GABRG1: variants seen among roughly 807,000 people sequenced by gnomAD.
GABRG1 encodes the protein gamma-aminobutyric acid type A receptor subunit gamma1.
In GABRG1, 49 loss-of-function variants were observed where a neutral mutation model predicts 49.8. The ratio of observed to expected loss-of-function variants is 0.98; its 90% CI spans 0.78 to 1.25. The LOEUF (loss-of-function observed/expected upper bound fraction) is 1.25. Ranked by LOEUF, GABRG1 falls within the 50% of genes most tolerant of loss-of-function variation. GABRG1 has a pLI of 0.00. For missense variants in GABRG1, 552 were observed against 552.3 expected, an observed-to-expected ratio of 1.00 and a Z score of 0.01; for synonymous variants, 232 against 185.1, an observed-to-expected ratio of 1.25 and a Z score of -2.06.
At chr4:46,123,404 T>C (rs1577676816) in intron 1 of GABRG1, among the ~76,000 whole-genome samples, 1 of 151,942 alleles carries the variant, frequency 6.6e-6, no homozygotes, top group African/African-American at 2.4e-5. Context: ...ATCATACATA[T>C]CATGCTGTGT....
chr4:46,094,323 A>G (rs1720100062), intron 2 of GABRG1, among the ~76,000 whole-genome samples: 1 of 152,052 alleles, frequency 6.6e-6, no homozygotes, highest in Non-Finnish European at 1.5e-5. Flanking sequence ...ATCTGGAAAG[A>G]AATCTTTCAA....
chr4:46,059,565 T>C (rs1295486568), intron 5 of GABRG1, among the ~76,000 whole-genome samples: 2 of 151,878 alleles, frequency 1.3e-5, no homozygotes, highest in African/African-American at 4.8e-5. Context: ...TACCCTTTTT[T>C]TTTAATTTTC....
intron 2 of GABRG1, among the ~76,000 whole-genome samples, chr4:46,087,196 T>C (rs1719801100): frequency 1.3e-5 from 2 of 151,694 alleles, no homozygotes; most frequent in Non-Finnish European, 3.0e-5. Flanking sequence ...AGACTTATAG[T>C]AGTTCTTTCT....
At chr4:46,123,143 CAG>C (rs1217708766) in intron 1 of GABRG1, among the ~76,000 whole-genome samples, 2 of 142,136 alleles carry the variant, frequency 1.4e-5, no homozygotes, top group Admixed American at 7.0e-5. Context: ...CACACACACA[CAG>C]AGCCAAGACA....
At chr4:46,089,088 G>T (rs1252850179) in intron 2 of GABRG1, among the ~76,000 whole-genome samples, 1 of 151,860 alleles carries the variant, frequency 6.6e-6, no homozygotes, top group Non-Finnish European at 1.5e-5. Flanking sequence ...AAAATAACTT[G>T]GTTAGCAGCG....
rs905089356 is a variant in GABRG1 at position 46,059,559 on chromosome 4, CT to C, written c.626-938del. On this transcript the variant is annotated intron_variant, in intron 5 of 8. Coordinates refer to ENST00000295452, the MANE Select transcript of GABRG1 (RefSeq NM_173536.4). ...GTGCTTGCCAACACGAATGGCTACC[CT>C]TTTTTTTTAATTTTCTTTTTATTTT... Among the ~76,000 whole-genome samples the C allele has an allele frequency of 5.3e-5, 8 of 151,760 alleles. No individual in the cohort carries two copies. The East Asian group carries it at 5.8e-4, about 11-fold the overall frequency.
At chr4:46,066,409 G>A (rs917443240) in intron 3 of GABRG1, among the ~76,000 whole-genome samples, 1 of 152,126 alleles carries the variant, frequency 6.6e-6, no homozygotes, top group African/African-American at 2.4e-5. Flanking sequence ...TAAGAGCTTT[G>A]CATGTTCATC....
chr4:46,117,794 ATATACATATG>A (rs1720960943), intron 1 of GABRG1, among the ~76,000 whole-genome samples: 1 of 139,630 alleles, frequency 7.2e-6, no homozygotes, highest in Non-Finnish European at 1.6e-5. Context: ...GTATATACAT[ATATACATATG>A]TATACATGTG....
At chr4:46,096,194 A>C (rs1023285563) in intron 2 of GABRG1, among the ~76,000 whole-genome samples, 1 of 151,840 alleles carries the variant, frequency 6.6e-6, no homozygotes, top group African/African-American at 2.4e-5. Context: ...TGTTGTGACA[A>C]AGCAGAAAAT....
Position 46,064,470 on chromosome 4 carries a change from T to G in GABRG1, c.596A>C (p.Glu199Ala). ...YLQLHNFPMD[E>A]HSCPLEFSSY... ...TGAAAATTCCAGTGGACAGGAATGT[T>G]CATCCATGGGAAAGTTATGAAGCTG... The change falls in exon 5 of 9, where the codon GAA (glutamate) becomes GCA (alanine). Residue 199 changes from glutamate to alanine, a missense_variant. By Grantham distance (107) the Glu-to-Ala change is moderately radical. Transcript: ENST00000295452. 1 of 1,542,124 alleles carries G rather than the reference T, an allele frequency of 6.5e-7. No individual in the cohort carries two copies. The highest frequency in any genetic ancestry group is 8.7e-7 in the Non-Finnish European group (1 of 1,146,266).
chr4:46,123,546 C>T (rs757938379), intron 1 of GABRG1, among the ~76,000 whole-genome samples: 8 of 152,038 alleles, frequency 5.3e-5, no homozygotes, highest in Non-Finnish European at 1.2e-4. Flanking sequence ...AGTAACTCAA[C>T]CTTCATTAGT....
chr4:46,041,685 G>T (rs530350976), intron 8 of GABRG1, among the ~76,000 whole-genome samples: 3 of 152,024 alleles, frequency 2.0e-5, no homozygotes, highest in Non-Finnish European at 4.4e-5. Flanking sequence ...TAATGCAAAA[G>T]GTTTGTGAAG....
intron 4 of GABRG1, among the ~76,000 whole-genome samples, chr4:46,064,904 A>G (rs1036113393): frequency 6.6e-6 from 1 of 152,138 alleles, no homozygotes; most frequent in Admixed American, 6.5e-5. Flanking sequence ...CTTTTCCATG[A>G]AGGATGGTTC....
At chr4:46,103,156 G>T (rs1720436405) in intron 1 of GABRG1, among the ~76,000 whole-genome samples, 1 of 151,486 alleles carries the variant, frequency 6.6e-6, no homozygotes, top group Non-Finnish European at 1.5e-5. Flanking sequence ...AATCTGTTAA[G>T]AAACCAGAGA....
At chr4:46,118,878 T>C (rs1250630843) in intron 1 of GABRG1, among the ~76,000 whole-genome samples, 1 of 151,312 alleles carries the variant, frequency 6.6e-6, no homozygotes, top group Non-Finnish European at 1.5e-5. Context: ...TGCTTAAACA[T>C]GTCTAGTGAT....
intron 3 of GABRG1, among the ~76,000 whole-genome samples, chr4:46,068,219 T>C (rs532216252): frequency 6.6e-6 from 1 of 152,294 alleles, no homozygotes; most frequent in East Asian, 1.9e-4. Flanking sequence ...TATGTTGTAC[T>C]GTTGCATAGG....
At position 46,076,614 on chromosome 4, in the gene GABRG1, A is replaced by C. The variant is rs189020595; in HGVS notation, c.321+7372T>G. ...AGGCCAAAAACCAAGTTTTAAGTAC[A>C]TTTATGATAGTCATGAGCTGAAGCA... On this transcript the variant is annotated intron_variant, in intron 3 of 8. Coordinates refer to ENST00000295452, the MANE Select transcript of GABRG1 (RefSeq NM_173536.4). 5.4e-3 allele frequency among the ~76,000 whole-genome samples: 814 copies of C among 151,676 alleles called. 4 individuals carry two copies. The highest frequency in any genetic ancestry group is 0.017 in the Middle Eastern group (5 of 294).
At chr4:46,081,617 A>G (rs1719571957) in intron 3 of GABRG1, among the ~76,000 whole-genome samples, 1 of 151,878 alleles carries the variant, frequency 6.6e-6, no homozygotes, top group Admixed American at 6.6e-5. Context: ...TTTGACTATT[A>G]TAATATTGAA....
At chr4:46,063,103 T>C (rs1718766827) in intron 5 of GABRG1, among the ~76,000 whole-genome samples, 1 of 151,384 alleles carries the variant, frequency 6.6e-6, no homozygotes, top group South Asian at 2.1e-4. Flanking sequence ...CCAAGGTAAT[T>C]TATAGATTCA....
Sources: gnomAD v4.1 joint callset for allele counts (sites outside exome capture counted in the v4.1 genomes callset) on GRCh38, gnomAD v4.1.1 for gene constraint, MANE v1.5 for transcripts, NCBI Gene and HGNC (gene_info 2026-07-23, HGNC 2026-07-21) for gene names.